FGF14: variants seen among roughly 807,000 people sequenced by gnomAD.
The protein encoded by FGF14 is fibroblast growth factor 14, also known as fibroblast growth factor homologous factor 4.
A neutral mutation model predicts 25.5 loss-of-function variants in FGF14; 5 were observed. That is an observed-to-expected ratio of 0.20 (90% CI 0.10 to 0.41). FGF14 has a LOEUF of 0.41. Among genes scored for constraint, FGF14 ranks in the 10% least tolerant of loss-of-function variants. FGF14 has a pLI of 1.00. For missense variants in FGF14, 222 were observed against 320.1 expected, an observed-to-expected ratio of 0.69 and a Z score of 2.34; for synonymous variants, 138 against 118.3, an observed-to-expected ratio of 1.17 and a Z score of -1.08.
chr13:101,759,728 C>T (rs1434827299), intron 3 of FGF14, among the ~76,000 whole-genome samples: 5 of 152,142 alleles, frequency 3.3e-5, no homozygotes, highest in African/African-American at 1.2e-4. Flanking sequence ...GCAATGTTCT[C>T]TATGGCACTT....
At chr13:101,828,455 A>G (rs1338872793) in intron 3 of FGF14, among the ~76,000 whole-genome samples, 1 of 150,772 alleles carries the variant, frequency 6.6e-6, no homozygotes, top group Non-Finnish European at 1.5e-5. Flanking sequence ...TATTTCAAAT[A>G]CTTTAAAAAT....
At chr13:101,929,335 G>A (rs973325932) in intron 1 of FGF14, among the ~76,000 whole-genome samples, 1 of 152,146 alleles carries the variant, frequency 6.6e-6, no homozygotes, top group Non-Finnish European at 1.5e-5. Flanking sequence ...GTGGGTATGG[G>A]GATTGCAGTC....
At chr13:102,086,772 T>C (rs1423389589) in intron 1 of FGF14, among the ~76,000 whole-genome samples, 1 of 152,240 alleles carries the variant, frequency 6.6e-6, no homozygotes, top group East Asian at 1.9e-4. Context: ...GGGAAAGATG[T>C]TCATTTTTCT....
chr13:101,769,823 C>G (rs569965045), intron 3 of FGF14, among the ~76,000 whole-genome samples: 2 of 152,170 alleles, frequency 1.3e-5, no homozygotes, highest in Non-Finnish European at 1.5e-5. Flanking sequence ...AATGAACAGG[C>G]AGAGCACAGA....
intron 1 of FGF14, among the ~76,000 whole-genome samples, chr13:102,201,036 A>G (rs1479638287): frequency 7.6e-6 from 1 of 130,968 alleles, no homozygotes; most frequent in East Asian, 2.5e-4. Context: ...CGGGAGGCGG[A>G]GCTTGCTTGA....
At chr13:102,160,268 T>C (rs1052454825) in intron 1 of FGF14, among the ~76,000 whole-genome samples, 1 of 152,106 alleles carries the variant, frequency 6.6e-6, no homozygotes, top group African/African-American at 2.4e-5. Flanking sequence ...CTGTGGCCCA[T>C]CCAACTGTTT....
chr13:102,323,963 G>A (rs1248077001), intron 1 of FGF14, among the ~76,000 whole-genome samples: 755 of 60,072 alleles, frequency 0.013, 10 homozygotes, highest in African/African-American at 0.071. Context: ...CAGTATGTGT[G>A]TGTGTGTGTG....
chr13:101,915,711 C>G (rs965335354), intron 1 of FGF14, among the ~76,000 whole-genome samples: 1 of 152,218 alleles, frequency 6.6e-6, no homozygotes, highest in East Asian at 1.9e-4. Flanking sequence ...CGGCTTGTAT[C>G]TCAGGCAATT....
At chr13:102,215,051 T>A (rs574132453) in intron 1 of FGF14, among the ~76,000 whole-genome samples, 8 of 150,728 alleles carry the variant, frequency 5.3e-5, no homozygotes, top group African/African-American at 2.0e-4. Context: ...ACCCACATGC[T>A]GTGAAGGAGA....
chr13:101,734,017 TGTC>T, intron 3 of FGF14, among the ~76,000 whole-genome samples: 1 of 152,082 alleles, frequency 6.6e-6, no homozygotes, highest in East Asian at 1.9e-4. Context: ...CATAAGGAGA[TGTC>T]TGTGTGTGTG....
intron 3 of FGF14, among the ~76,000 whole-genome samples, chr13:101,791,348 T>G (rs2140091959): frequency 6.6e-6 from 1 of 152,230 alleles, no homozygotes; most frequent in Admixed American, 6.6e-5. Context: ...GCTGACAATT[T>G]TATTCTCCCA....
At chr13:101,831,554 C>G (rs532551161) in intron 3 of FGF14, among the ~76,000 whole-genome samples, 1 of 152,124 alleles carries the variant, frequency 6.6e-6, no homozygotes, top group Non-Finnish European at 1.5e-5. Flanking sequence ...GCTCTGAGAC[C>G]GAATTGCAAT....
intron 3 of FGF14, among the ~76,000 whole-genome samples, chr13:101,802,941 G>T (rs2040969799): frequency 6.6e-6 from 1 of 152,080 alleles, no homozygotes; most frequent in Non-Finnish European, 1.5e-5. Context: ...GGAGAAACTG[G>T]AGCTCAGTGC....
At chr13:102,090,156 G>A (rs1290628729) in intron 1 of FGF14, among the ~76,000 whole-genome samples, 1 of 152,036 alleles carries the variant, frequency 6.6e-6, no homozygotes, top group African/African-American at 2.4e-5. Context: ...AATTTGTTGT[G>A]GACACATACT....
At chr13:102,157,575 T>C (rs2047404732) in intron 1 of FGF14, among the ~76,000 whole-genome samples, 1 of 152,152 alleles carries the variant, frequency 6.6e-6, no homozygotes, top group Non-Finnish European at 1.5e-5. Context: ...ACCTAGGCAA[T>C]ACCATTCAGG....
At chr13:101,882,818 A>C (rs1482035333) in intron 1 of FGF14, among the ~76,000 whole-genome samples, 2 of 152,166 alleles carry the variant, frequency 1.3e-5, no homozygotes, top group African/African-American at 2.4e-5. Flanking sequence ...AACACTTTAA[A>C]GCTACTTCCA....
At chr13:102,106,029 G>C (rs948010254) in intron 1 of FGF14, among the ~76,000 whole-genome samples, 4 of 152,110 alleles carry the variant, frequency 2.6e-5, no homozygotes, top group African/African-American at 9.7e-5. Context: ...TCCACCTATA[G>C]CATTTACATT....
intron 1 of FGF14, among the ~76,000 whole-genome samples, chr13:102,073,799 T>G (rs531992798): frequency 9.2e-5 from 14 of 152,310 alleles, no homozygotes; most frequent in African/African-American, 3.4e-4. Context: ...AGTTGAACTG[T>G]GTAAAAATTA....
chr13:101,911,245 G>A (rs562323127), intron 1 of FGF14, among the ~76,000 whole-genome samples: 5 of 152,182 alleles, frequency 3.3e-5, no homozygotes, highest in Non-Finnish European at 5.9e-5. Context: ...AAATGTAAAA[G>A]TATTCAAATT....
Sources: allele counts gnomAD v4.1 joint callset (sites outside exome capture counted in the v4.1 genomes callset), GRCh38; gene constraint gnomAD v4.1.1; transcripts MANE v1.5; gene names NCBI Gene and HGNC (gene_info 2026-07-23, HGNC 2026-07-21).